Variants in TASP1 observed in about 807,000 individuals in gnomAD.
TASP1 encodes the protein threonine aspartase 1.
In TASP1, 16 loss-of-function variants were observed where a neutral mutation model predicts 56.6. The observed-to-expected ratio is 0.28, with a 90% CI of 0.19 to 0.43. The LOEUF is 0.43. Ranked by LOEUF, TASP1 falls within the 20% of genes least tolerant of loss-of-function variation. The pLI is 1.00. For missense variants in TASP1, 393 were observed against 511.6 expected, an observed-to-expected ratio of 0.77 and a Z score of 2.24; for synonymous variants, 179 against 184.2, an observed-to-expected ratio of 0.97 and a Z score of 0.23.
chr20:13,475,345 C>T (rs1391523342), intron 11 of TASP1, among the ~76,000 whole-genome samples: 3 of 152,050 alleles, frequency 2.0e-5, no homozygotes, highest in Non-Finnish European at 4.4e-5. Flanking sequence ...TTTTTACTGC[C>T]ATATGGTATT....
intron 6 of TASP1, among the ~76,000 whole-genome samples, chr20:13,575,469 T>C (rs977248193): frequency 2.2e-4 from 33 of 152,198 alleles, no homozygotes; most frequent in Non-Finnish European, 2.8e-4. Context: ...GGGTAGTTCC[T>C]CTGCACACGT....
At chr20:13,218,893 C>T in the TASP1 span, among the ~76,000 whole-genome samples, 4 of 152,208 alleles carry the variant, frequency 2.6e-5, no homozygotes, top group African/African-American at 7.2e-5. Flanking sequence ...ATTTGTTCAA[C>T]ATTTTATAAA....
the TASP1 span, among the ~76,000 whole-genome samples, chr20:13,155,735 A>T: frequency 6.6e-6 from 1 of 152,170 alleles, no homozygotes; most frequent in Non-Finnish European, 1.5e-5. Flanking sequence ...CTGAGGCAGG[A>T]AAGTGGCATG....
the TASP1 span, among the ~76,000 whole-genome samples, chr20:13,285,975 A>T: frequency 6.6e-6 from 1 of 152,154 alleles, no homozygotes; most frequent in Non-Finnish European, 1.5e-5. Flanking sequence ...AAAGCCAAGA[A>T]CACCATTTGG....
chr20:13,320,163 G>T, the TASP1 span, among the ~76,000 whole-genome samples: 1 of 152,214 alleles, frequency 6.6e-6, no homozygotes, highest in Non-Finnish European at 1.5e-5. Flanking sequence ...TAACCCTGCT[G>T]AGGGGCTCAT....
At chr20:13,559,922 ATAACC>A (rs1236576190) in intron 7 of TASP1, among the ~76,000 whole-genome samples, 3 of 152,226 alleles carry the variant, frequency 2.0e-5, no homozygotes, top group Non-Finnish European at 4.4e-5. Context: ...ATCAGAAAGC[ATAACC>A]TGACCTGCAA....
At chr20:13,288,717 AG>A in the TASP1 span, 1 of 1,578,852 alleles carries the variant, frequency 6.3e-7, no homozygotes, top group Non-Finnish European at 8.6e-7. Flanking sequence ...TCCAAGTTCA[AG>A]GGGAAAGCTT....
the TASP1 span, among the ~76,000 whole-genome samples, chr20:13,112,446 G>A: frequency 6.6e-6 from 1 of 152,196 alleles, no homozygotes; most frequent in Non-Finnish European, 1.5e-5. Context: ...CTTCTGCCCT[G>A]ACCCATTGGC....
At chr20:13,524,688 T>C (rs902124031) in intron 10 of TASP1, among the ~76,000 whole-genome samples, 1 of 152,160 alleles carries the variant, frequency 6.6e-6, no homozygotes, top group African/African-American at 2.4e-5. Context: ...AAAATATACT[T>C]TTTTCACATT....
chr20:13,445,275 T>C (rs1376571356), intron 11 of TASP1, among the ~76,000 whole-genome samples: 1 of 152,186 alleles, frequency 6.6e-6, no homozygotes, highest in Non-Finnish European at 1.5e-5. Flanking sequence ...CAATCATATA[T>C]GTACCTAATA....
chr20:13,330,050 A>G, the TASP1 span, among the ~76,000 whole-genome samples: 2 of 151,948 alleles, frequency 1.3e-5, no homozygotes, highest in African/African-American at 4.8e-5. Context: ...TCTGCCTCCT[A>G]AATTCAAGCA....
intron 12 of TASP1, among the ~76,000 whole-genome samples, 163 bp downstream of exon 12, chr20:13,434,881 G>A (rs2042948548): frequency 6.6e-6 from 1 of 152,096 alleles, no homozygotes; most frequent in Non-Finnish European, 1.5e-5. Flanking sequence ...TCTTTTACAT[G>A]CTTATCTACG....
the TASP1 span, among the ~76,000 whole-genome samples, chr20:13,316,924 G>A: frequency 6.6e-6 from 1 of 151,514 alleles, no homozygotes; most frequent in South Asian, 2.1e-4. Flanking sequence ...CATACTACAA[G>A]TCCTATCTAA....
the TASP1 span, among the ~76,000 whole-genome samples, chr20:13,196,327 G>A: frequency 1.3e-5 from 2 of 152,138 alleles, no homozygotes; most frequent in Non-Finnish European, 2.9e-5. Flanking sequence ...AAACCATCTA[G>A]TAGTGTTGCA....
chr20:13,542,212 A>G (rs755341398), intron 8 of TASP1, among the ~76,000 whole-genome samples: 9 of 152,170 alleles, frequency 5.9e-5, no homozygotes, highest in East Asian at 1.9e-4. Flanking sequence ...CACCAAGCAG[A>G]TATCAATCCA....
At chr20:13,304,674 T>A in the TASP1 span, among the ~76,000 whole-genome samples, 3 of 152,122 alleles carry the variant, frequency 2.0e-5, no homozygotes, top group Non-Finnish European at 1.5e-5. Context: ...TGTTTGGTGA[T>A]CTTGGGGGAA....
At chr20:13,294,329 C>T in the TASP1 span, among the ~76,000 whole-genome samples, 2 of 152,166 alleles carry the variant, frequency 1.3e-5, no homozygotes, top group African/African-American at 4.8e-5. Flanking sequence ...CACATATGAT[C>T]AAATTGCATT....
chr20:13,391,415 G>A (rs1189153276), intron 13 of TASP1, among the ~76,000 whole-genome samples: 2 of 152,128 alleles, frequency 1.3e-5, no homozygotes, highest in Non-Finnish European at 2.9e-5. Flanking sequence ...ATAGATAAAT[G>A]TCTGGAATTT....
At chr20:13,248,794 G>T in the TASP1 span, among the ~76,000 whole-genome samples, 2 of 152,342 alleles carry the variant, frequency 1.3e-5, no homozygotes, top group East Asian at 3.9e-4. Flanking sequence ...CCTGCCATTT[G>T]GGGGTGAGCG....
Sources: gnomAD v4.1 joint callset for allele counts (sites outside exome capture counted in the v4.1 genomes callset) on GRCh38, gnomAD v4.1.1 for gene constraint, MANE v1.5 for transcripts, NCBI Gene and HGNC (gene_info 2026-07-23, HGNC 2026-07-21) for gene names.